APBB2: variants seen among roughly 807,000 people sequenced by gnomAD.
The protein encoded by APBB2 is Fe65-like 1.
Under a neutral mutation model 82.5 loss-of-function variants are expected in APBB2, and 38 were observed. The observed-to-expected ratio is 0.46, with a 90% CI of 0.36 to 0.60. The LOEUF (loss-of-function observed/expected upper bound fraction) is 0.60, where lower values mean the gene tolerates loss of function less well. Among genes scored for constraint, APBB2 ranks in the 20% least tolerant of loss-of-function variants. The pLI is 0.00. For missense variants in APBB2, 772 were observed against 972.3 expected (o/e 0.79, Z 2.74); for synonymous variants, 341 against 368.2 (o/e 0.93, Z 0.85).
intron 6 of APBB2, among the ~76,000 whole-genome samples, chr4:41,008,571 T>C (rs983327478): frequency 2.0e-5 from 3 of 152,202 alleles, no homozygotes; most frequent in Non-Finnish European, 2.9e-5. Context: ...GTCCAAAATA[T>C]AGGTAATTCA....
intron 8 of APBB2, 187 bp from the exon 9 acceptor site, chr4:40,934,886 GA>G: frequency 1.5e-6 from 1 of 674,788 alleles, no homozygotes; most frequent in South Asian, 2.0e-5. Context: ...AAACAACGGG[GA>G]ACCTAGGGCA....
rs971429120 is a variant in APBB2 at position 40,893,507 on chromosome 4, C to A, written c.1255-96G>T. On this transcript the variant is annotated intron_variant, in intron 10 of 17. Transcript: ENST00000508593. ...CCTCCCGCAACTAAAAGGTACTACA[C>A]TTAATGCACCTTTATTTGCTTCATT... The A allele has an allele frequency of 3.3e-5, 37 of 1,120,118 alleles. No homozygotes were observed. The South Asian group carries it at 5.5e-4, about 17-fold the overall frequency. 69.4% of individuals were successfully genotyped at this position (1,120,118 alleles called of 1,614,324 possible).
At chr4:41,201,260 G>A (rs1453651040) in intron 1 of APBB2, among the ~76,000 whole-genome samples, 3 of 152,106 alleles carry the variant, frequency 2.0e-5, no homozygotes, top group South Asian at 2.1e-4. Context: ...CTATCAAACT[G>A]TAATATGAAG....
intron 6 of APBB2, among the ~76,000 whole-genome samples, chr4:40,991,552 A>G (rs1184456608): frequency 6.6e-6 from 1 of 152,084 alleles, no homozygotes; most frequent in East Asian, 1.9e-4. Context: ...AAAAAAACCT[A>G]TAGTGTTCTA....
At chr4:41,069,661 T>A (rs1253628740) in intron 3 of APBB2, among the ~76,000 whole-genome samples, 4 of 152,220 alleles carry the variant, frequency 2.6e-5, no homozygotes, top group African/African-American at 7.2e-5. Flanking sequence ...GCATAGGATG[T>A]AGTAAGCAGT....
intron 2 of APBB2, among the ~76,000 whole-genome samples, chr4:41,135,413 C>A (rs1237531865): frequency 6.6e-6 from 1 of 152,112 alleles, no homozygotes; most frequent in Non-Finnish European, 1.5e-5. Context: ...CTATCCAAAC[C>A]AGTAGACTAT....
chr4:41,212,482 T>C (rs896680895), intron 1 of APBB2, among the ~76,000 whole-genome samples: 5 of 152,148 alleles, frequency 3.3e-5, no homozygotes, highest in African/African-American at 4.8e-5. Context: ...AATTACCACT[T>C]TATAAAAATT....
At chr4:41,023,674 A>C (rs1260867247) in intron 5 of APBB2, among the ~76,000 whole-genome samples, 1 of 152,222 alleles carries the variant, frequency 6.6e-6, no homozygotes, top group Non-Finnish European at 1.5e-5. Context: ...TGTTCAAAGA[A>C]ATCAGAGAAG....
intron 2 of APBB2, among the ~76,000 whole-genome samples, chr4:41,125,187 G>A (rs770681950): frequency 6.6e-6 from 1 of 152,172 alleles, no homozygotes; most frequent in African/African-American, 2.4e-5. Flanking sequence ...ATAGCCAAAA[G>A]CATGTTATTT....
At chr4:40,905,250 C>G (rs1776397519) in intron 10 of APBB2, among the ~76,000 whole-genome samples, 1 of 152,176 alleles carries the variant, frequency 6.6e-6, no homozygotes, top group Non-Finnish European at 1.5e-5. Flanking sequence ...AAGGGCAGTT[C>G]CCAGCCTGGG....
rs2437354 is a variant in APBB2 at position 40,855,956 on chromosome 4, C to G, written c.1530-25379G>C. 5.9e-3 allele frequency among the ~76,000 whole-genome samples: 906 copies of G among 152,286 alleles called. 11 individuals are homozygous for G. Among genetic ancestry groups the G allele is most frequent in the African/African-American group, 0.021 (861 of 41,548 alleles). ...TAACTTCTTAGGAAAGGCCTCAGGA[C>G]ACTTAATAATTCCTTTCTGAACTCA... On this transcript the variant is annotated intron_variant, in intron 12 of 17. Transcript: ENST00000508593.
chr4:40,958,230 C>T (rs924799404), intron 6 of APBB2, among the ~76,000 whole-genome samples: 5 of 152,102 alleles, frequency 3.3e-5, no homozygotes, highest in Admixed American at 3.3e-4. Context: ...TACCTCCACA[C>T]AGAATAAAAC....
intron 1 of APBB2, among the ~76,000 whole-genome samples, chr4:41,197,006 T>C: frequency 2.6e-5 from 4 of 152,292 alleles, no homozygotes; most frequent in Non-Finnish European, 4.4e-5. Flanking sequence ...ACTGGGTAAT[T>C]TGAAGACAAT....
intron 12 of APBB2, among the ~76,000 whole-genome samples, chr4:40,864,899 C>T (rs553296948): frequency 2.0e-4 from 30 of 148,932 alleles, no homozygotes; most frequent in Admixed American, 6.7e-4. Context: ...CACTCTGTCA[C>T]CCAGGCTGGA....
intron 5 of APBB2, among the ~76,000 whole-genome samples, chr4:41,028,497 A>C (rs1481597640): frequency 6.6e-6 from 1 of 152,210 alleles, no homozygotes; most frequent in Non-Finnish European, 1.5e-5. Context: ...GGTCACCATG[A>C]GGAGATAACC....
Position 40,855,233 on chromosome 4 carries a change from C to T in APBB2, c.1530-24656G>A, listed in dbSNP as rs1186784771. On this transcript the variant is annotated intron_variant, in intron 12 of 17. Transcript: ENST00000508593. ...TCCAGTGCAGAGAACCTGCAATGGG[C>T]CCCACGCCAGCATAGTGTGAGCTCC... 3.3e-5 allele frequency among the ~76,000 whole-genome samples: 5 copies of T among 152,270 alleles called. No homozygotes were observed. In the East Asian group the frequency reaches 9.6e-4, roughly 29 times the overall value.
intron 4 of APBB2, among the ~76,000 whole-genome samples, chr4:41,054,752 C>T (rs1727239873): frequency 6.6e-6 from 1 of 152,126 alleles, no homozygotes; most frequent in Non-Finnish European, 1.5e-5. Flanking sequence ...TTGCTGTGAA[C>T]TCTGATCACA....
At chr4:40,881,300 A>G (rs973633888) in intron 12 of APBB2, 1 of 985,174 alleles carries the variant, frequency 1.0e-6, no homozygotes, top group Admixed American at 6.2e-5. Flanking sequence ...TTAAACTTTC[A>G]TCAGCAGATC....
In APBB2 at chr4:40,935,060, T is replaced by G; in HGVS notation, c.1107+17A>C. The stretch of plus-strand genomic sequence containing the variant: ...GGATAAAATATTAAATGATCTAAGA[T>G]CTGACAATATACTTGCCTTCCAAAT... On this transcript the variant is annotated intron_variant, in intron 8 of 17. Transcript: ENST00000508593. 1 of 1,516,594 alleles carries G rather than the reference T, an allele frequency of 6.6e-7. No homozygotes were observed. Among genetic ancestry groups the G allele is most frequent in the Non-Finnish European group, 8.8e-7 (1 of 1,130,478 alleles). The allele number at this position is 1,516,594 out of a possible 1,614,324, so 93.9% of individuals were successfully genotyped here.
Sources: allele counts gnomAD v4.1 joint callset (sites outside exome capture counted in the v4.1 genomes callset), GRCh38; gene constraint gnomAD v4.1.1; transcripts MANE v1.5; gene names NCBI Gene and HGNC (gene_info 2026-07-23, HGNC 2026-07-21).